SEPTIN9: variants seen among roughly 807,000 people sequenced by gnomAD.
SEPTIN9 encodes the protein septin-9.
A neutral mutation model predicts 56.6 loss-of-function variants in SEPTIN9; 13 were observed. The ratio of observed to expected loss-of-function variants is 0.23; its 90% CI spans 0.15 to 0.37. SEPTIN9 has a LOEUF of 0.37. SEPTIN9 is among the 10% of genes least tolerant of loss of function. SEPTIN9 has a pLI of 1.00. For synonymous variants in SEPTIN9, 332 were observed against 334.1 expected, an observed-to-expected ratio of 0.99 and a Z score of 0.07; for missense variants, 650 against 823.1, an observed-to-expected ratio of 0.79 and a Z score of 2.57.
At position 77,327,194 on chromosome 17, in the gene SEPTIN9, G is replaced by A. The variant is rs1197626776; in HGVS notation, c.76+19997G>A. Reference sequence around the variant, plus strand: ...TCTCCTGGGCTCCTGGGACCCCTCCGGCCCCACCACCCCTCCTGTAGTGGT... The same window carrying A: ...TCTCCTGGGCTCCTGGGACCCCTCCAGCCCCACCACCCCTCCTGTAGTGGT... On this transcript the variant is annotated intron_variant, in intron 2 of 11. Transcript: ENST00000427177. This position sits in a 1 kb window ranked among gnomAD's most constrained non-coding sequence, Gnocchi z 5.0. 2.6e-5 allele frequency among the ~76,000 whole-genome samples: 4 copies of A among 151,930 alleles called. No homozygotes were observed. Among genetic ancestry groups the A allele is most frequent in the Admixed American group, 6.6e-5 (1 of 15,262 alleles).
rs1235513821 is a variant in SEPTIN9, at chr17:77,484,907, G to GTGATGA, written c.914-2514_914-2509dup. 9.3e-5 allele frequency among the ~76,000 whole-genome samples: 2 copies of GTGATGA among 21,540 alleles called. 1 individual carries two copies. The highest frequency in any genetic ancestry group is 1.6e-4 in the Non-Finnish European group (2 of 12,146). The allele number at this position is 21,540 out of a possible 152,430, so 14.1% of individuals were successfully genotyped here. A position where few individuals can be genotyped will look rare whatever the true frequency, so the allele number is the denominator to read the frequency against. On this transcript the variant is annotated intron_variant, in intron 4 of 11. Transcript: ENST00000427177. The stretch of plus-strand genomic sequence containing the variant: ...GATTGTGATGGTGGTGGTGGTGATG[G>GTGATGA]TGATGATGGTGGTGATTGTGATGGT...
In SEPTIN9 at chr17:77,499,973, G is replaced by A. The variant is rs1384928072; in HGVS notation, c.*1315G>A. The A allele has an allele frequency of 2.9e-5, 7 of 240,122 alleles. No individual in the cohort carries two copies. The highest frequency in any genetic ancestry group is 1.6e-4 in the South Asian group (1 of 6,374). The allele number at this position is 240,122 out of a possible 1,614,324, so 14.9% of individuals were successfully genotyped here. A position where few individuals can be genotyped will look rare whatever the true frequency, so the allele number is the denominator to read the frequency against. On this transcript the variant is annotated 3_prime_UTR_variant, in exon 12 of 12. Transcript: ENST00000427177. ...CCGGCCCCTCACCCTCTGTCCCCAC[G>A]AGGGGACCCATGGGGGCTGTCTTTG...
At chr17:77,478,640 C>T (rs2039321842) in intron 3 of SEPTIN9, among the ~76,000 whole-genome samples, 1 of 151,870 alleles carries the variant, frequency 6.6e-6, no homozygotes, top group Non-Finnish European at 1.5e-5. Context: ...AACCCCGTCT[C>T]TACTAAAACA....
chr17:77,408,929 G>T (rs551596663), intron 3 of SEPTIN9, among the ~76,000 whole-genome samples: 2 of 152,276 alleles, frequency 1.3e-5, no homozygotes, highest in East Asian at 3.9e-4. Context: ...AAGGCAGGGG[G>T]CCTTGGTAAG....
At position 77,400,969 on chromosome 17, in the gene SEPTIN9, C is replaced by T. The variant is rs561245004; in HGVS notation, c.77-1090C>T. On this transcript the variant is annotated intron_variant, in intron 2 of 11. Coordinates refer to ENST00000427177, the MANE Select transcript of SEPTIN9 (RefSeq NM_001113491.2). This position sits in a 1 kb window ranked among gnomAD's most constrained non-coding sequence, Gnocchi z 4.1. Reference sequence around the variant, plus strand: ...GTGGAGAGGCAGGATGGCTGCAGGGCGGGAGCTGGTGGTTGGCATCACTGC... The same window carrying T: ...GTGGAGAGGCAGGATGGCTGCAGGGTGGGAGCTGGTGGTTGGCATCACTGC... Among the ~76,000 whole-genome samples, 8 of 152,182 alleles carry T rather than the reference C, an allele frequency of 5.3e-5. No individual in the cohort carries two copies. The East Asian group carries it at 7.7e-4, about 15-fold the overall frequency.
rs150353650 is a variant in SEPTIN9 at position 77,392,995 on chromosome 17, G to A, written c.77-9064G>A. 2.6e-3 allele frequency among the ~76,000 whole-genome samples: 396 copies of A among 152,120 alleles called. 1 individual carries two copies. Among genetic ancestry groups the A allele is most frequent in the Middle Eastern group, 0.01 (3 of 294 alleles). ...CCAACTGTGTCCTCCTCCCTATCCG[G>A]AGCCTGCTCCACCTGCCCCAGGAGC... is the stretch of plus-strand genomic sequence containing the variant. On this transcript the variant is annotated intron_variant, in intron 2 of 11. Transcript: ENST00000427177.
intron 2 of SEPTIN9, among the ~76,000 whole-genome samples, chr17:77,385,665 G>A (rs1280806120): frequency 1.3e-5 from 2 of 152,266 alleles, no homozygotes; most frequent in African/African-American, 2.4e-5. Flanking sequence ...TTCCCTGGTC[G>A]CTGGCAGTCA....
chr17:77,298,165 A>G (rs532342419), intron 1 of SEPTIN9, among the ~76,000 whole-genome samples: 36 of 152,344 alleles, frequency 2.4e-4, no homozygotes, highest in South Asian at 1.0e-3. Context: ...CTGGCTCATC[A>G]TATGCCTTCA....
chr17:77,426,840 T>G (rs2036933507), intron 3 of SEPTIN9: 1 of 152,236 alleles, frequency 6.6e-6, no homozygotes, highest in Non-Finnish European at 1.5e-5. Context: ...GCCTTGCATG[T>G]CACGGGTGCT....
rs751220679 is a variant in SEPTIN9, at chr17:77,326,856, C to T, written c.76+19659C>T. Among the ~76,000 whole-genome samples the T allele has an allele frequency of 6.6e-5, 10 of 152,032 alleles. No homozygotes were observed. The highest frequency in any genetic ancestry group is 8.8e-5 in the Non-Finnish European group (6 of 68,010). ...CCAATGATTGAATCAATCATGCCTT[C>T]GTAATGAGGCCTCCGTGAACACTCA... On this transcript the variant is annotated intron_variant, in intron 2 of 11. Coordinates refer to ENST00000427177, the MANE Select transcript of SEPTIN9 (RefSeq NM_001113491.2). This position sits in a 1 kb window ranked among gnomAD's most constrained non-coding sequence, Gnocchi z 5.1.
intron 3 of SEPTIN9, among the ~76,000 whole-genome samples, chr17:77,413,087 CGTGTGTGTGTGT>C (rs3047410): frequency 2.2e-4 from 31 of 143,918 alleles, no homozygotes; most frequent in African/African-American, 7.8e-4. Flanking sequence ...GCGGGTGGGG[CGTGTGTGTGTGT>C]GTGTGTGTGT....
chr17:77,498,430 C>G, intron 11 of SEPTIN9, 93 bp from the exon 12 acceptor site: 1 of 787,498 alleles, frequency 1.3e-6, no homozygotes, highest in Non-Finnish European at 2.1e-6. Flanking sequence ...GCAGGCGGGC[C>G]TGAGTCCGAG....
intron 3 of SEPTIN9, among the ~76,000 whole-genome samples, chr17:77,438,331 C>G (rs2037428707): frequency 1.3e-5 from 2 of 152,218 alleles, no homozygotes; most frequent in South Asian, 4.1e-4. Flanking sequence ...ACGCAGGCAG[C>G]CTCCTGGGCC....
chr17:77,334,507 G>GT (rs1033730725), intron 2 of SEPTIN9, among the ~76,000 whole-genome samples: 2 of 149,674 alleles, frequency 1.3e-5, no homozygotes, highest in Non-Finnish European at 3.0e-5. Flanking sequence ...TGTATCATAA[G>GT]TTTTTTTTTC....
intron 1 of SEPTIN9, among the ~76,000 whole-genome samples, chr17:77,289,407 C>CTTTTTTTT (rs572213399): frequency 9.8e-6 from 1 of 102,546 alleles, no homozygotes; most frequent in African/African-American, 3.9e-5. Flanking sequence ...TGCATTTATG[C>CTTTTTTTT]TTTTTTTTTT....
At chr17:77,300,414 G>T (rs1182209936) in intron 1 of SEPTIN9, among the ~76,000 whole-genome samples, 3 of 152,154 alleles carry the variant, frequency 2.0e-5, no homozygotes, top group African/African-American at 4.8e-5. Flanking sequence ...GGCAGGGGGT[G>T]GGGGCAAGGC....
At chr17:77,341,097 C>T (rs1217037398) in intron 2 of SEPTIN9, among the ~76,000 whole-genome samples, 2 of 152,190 alleles carry the variant, frequency 1.3e-5, no homozygotes, top group East Asian at 1.9e-4. Flanking sequence ...GCACTGGAAT[C>T]GCACTTTTAA....
At position 77,499,466 on chromosome 17, in the gene SEPTIN9, C is replaced by A; in HGVS notation, c.*808C>A. ...AAAAAGGAAGGAGAGATGACCCCTA[C>A]CCCCTCATCCCCCAGTTTTGAAAAG... On this transcript the variant is annotated 3_prime_UTR_variant, in exon 12 of 12. Coordinates refer to ENST00000427177, the MANE Select transcript of SEPTIN9 (RefSeq NM_001113491.2). 1 of 517,856 alleles carries A rather than the reference C, an allele frequency of 1.9e-6. No individual in the cohort carries two copies. Among genetic ancestry groups the A allele is most frequent in the South Asian group, 1.6e-5 (1 of 62,612 alleles). 32.1% of individuals were successfully genotyped at this position (517,856 alleles called of 1,614,324 possible).
Position 77,433,608 on chromosome 17 carries a change from A to G in SEPTIN9, c.721+30905A>G, listed in dbSNP as rs776634229. Among the ~76,000 whole-genome samples, 7 of 151,808 alleles carry G rather than the reference A, an allele frequency of 4.6e-5. No individual in the cohort carries two copies. The highest frequency in any genetic ancestry group is 7.4e-5 in the Non-Finnish European group (5 of 67,924). On this transcript the variant is annotated intron_variant, in intron 3 of 11. Coordinates refer to ENST00000427177, the MANE Select transcript of SEPTIN9 (RefSeq NM_001113491.2). This position sits in a 1 kb window ranked among gnomAD's most constrained non-coding sequence, Gnocchi z 6.4. The stretch of plus-strand genomic sequence containing the variant: ...CCCTCACTGTCCTGGCTTGCTTTCA[A>G]TAGGCCAGAGGGGTGGGGCTGGAGC...
Sources: allele counts gnomAD v4.1 joint callset (sites outside exome capture counted in the v4.1 genomes callset), GRCh38; gene constraint gnomAD v4.1.1; non-coding constraint Gnocchi (gnomAD v3.1); transcripts MANE v1.5; gene names NCBI Gene and HGNC (gene_info 2026-07-23, HGNC 2026-07-21).